NKAIN2: variants seen among roughly 807,000 people sequenced by gnomAD.
The protein encoded by NKAIN2 is sodium/potassium transporting ATPase interacting 2, also known as sodium/potassium-transporting ATPase subunit beta-1-interacting protein 2.
Under a neutral mutation model 32.6 loss-of-function variants are expected in NKAIN2, and 14 were observed. That is an observed-to-expected ratio of 0.43 (90% CI 0.28 to 0.67). The LOEUF is 0.67. Ranked by LOEUF, NKAIN2 falls within the 30% of genes least tolerant of loss-of-function variation. NKAIN2 has a pLI of 0.17. For synonymous variants in NKAIN2, 80 were observed against 87.2 expected (o/e 0.92, Z 0.46); for missense variants, 198 against 258.3 (o/e 0.77, Z 1.60).
intron 2 of NKAIN2, among the ~76,000 whole-genome samples, chr6:124,343,297 G>T (rs919468436): frequency 6.6e-6 from 1 of 151,824 alleles, no homozygotes; most frequent in Non-Finnish European, 1.5e-5. Context: ...ACATACGTGT[G>T]CATGTGTCTT....
At chr6:124,539,782 G>A (rs1262024886) in intron 3 of NKAIN2, among the ~76,000 whole-genome samples, 1 of 151,944 alleles carries the variant, frequency 6.6e-6, no homozygotes, top group African/African-American at 2.4e-5. Flanking sequence ...GTGCAGTGGC[G>A]TGATCTCGTC....
intron 1 of NKAIN2, among the ~76,000 whole-genome samples, chr6:123,981,450 C>T (rs893513217): frequency 4.6e-5 from 7 of 152,134 alleles, no homozygotes; most frequent in South Asian, 2.1e-4. Flanking sequence ...GCATGCCCCA[C>T]GGTGCTAAAT....
At chr6:124,324,671 C>G (rs1298875959) in intron 2 of NKAIN2, among the ~76,000 whole-genome samples, 1 of 151,580 alleles carries the variant, frequency 6.6e-6, no homozygotes, top group African/African-American at 2.4e-5. Flanking sequence ...AGCATTCAGT[C>G]TTTTACCATT....
chr6:124,053,811 C>A (rs922647212), intron 1 of NKAIN2, among the ~76,000 whole-genome samples: 1 of 151,946 alleles, frequency 6.6e-6, no homozygotes, highest in East Asian at 1.9e-4. Context: ...AGTTTTGAAT[C>A]TGGATTAGTC....
chr6:124,388,489 A>G (rs552349754), intron 3 of NKAIN2, among the ~76,000 whole-genome samples: 1 of 152,138 alleles, frequency 6.6e-6, no homozygotes, highest in Admixed American at 6.6e-5. Context: ...ACTGATCTAC[A>G]GTAATGTAAT....
chr6:124,552,143 C>T (rs1583427535), intron 3 of NKAIN2, among the ~76,000 whole-genome samples: 1 of 152,304 alleles, frequency 6.6e-6, no homozygotes, highest in Admixed American at 6.5e-5. Context: ...CCTTGACATG[C>T]AGAAACTCTC....
intron 5 of NKAIN2, among the ~76,000 whole-genome samples, chr6:124,805,534 G>A (rs1780504551): frequency 6.6e-6 from 1 of 152,118 alleles, no homozygotes; most frequent in Non-Finnish European, 1.5e-5. Flanking sequence ...AAACCACAAA[G>A]ATGGGGAAAA....
At chr6:124,114,517 A>G (rs1785522124) in intron 1 of NKAIN2, among the ~76,000 whole-genome samples, 1 of 152,088 alleles carries the variant, frequency 6.6e-6, no homozygotes, top group Admixed American at 6.6e-5. Flanking sequence ...TCAGGGAAAT[A>G]TCTATTTGAA....
intron 3 of NKAIN2, among the ~76,000 whole-genome samples, chr6:124,418,233 A>C (rs1340196796): frequency 1.3e-5 from 2 of 152,008 alleles, no homozygotes; most frequent in Non-Finnish European, 2.9e-5. Context: ...GGTACTTAAA[A>C]GTTCAGAGTA....
chr6:124,255,544 C>A (rs1793889491), intron 1 of NKAIN2, among the ~76,000 whole-genome samples: 1 of 152,130 alleles, frequency 6.6e-6, no homozygotes, highest in African/African-American at 2.4e-5. Flanking sequence ...GCGGAGGATG[C>A]CGCATTTTTA....
At chr6:124,739,649 A>G (rs1777110652) in intron 4 of NKAIN2, among the ~76,000 whole-genome samples, 2 of 151,850 alleles carry the variant, frequency 1.3e-5, no homozygotes, top group African/African-American at 4.8e-5. Flanking sequence ...GTGCATGAAA[A>G]GGAAGGAAGA....
chr6:124,288,677 A>G (rs1483578337), intron 2 of NKAIN2, among the ~76,000 whole-genome samples: 1 of 152,190 alleles, frequency 6.6e-6, no homozygotes, highest in Non-Finnish European at 1.5e-5. Flanking sequence ...TCTATACAAT[A>G]TAAGTTATAT....
At chr6:124,296,188 T>C (rs1435398226) in intron 2 of NKAIN2, among the ~76,000 whole-genome samples, 2 of 152,126 alleles carry the variant, frequency 1.3e-5, no homozygotes, top group African/African-American at 4.8e-5. Flanking sequence ...CCTTGTATAT[T>C]AGAGTATAAT....
intron 1 of NKAIN2, among the ~76,000 whole-genome samples, chr6:124,012,824 C>T (rs541927681): frequency 6.6e-6 from 1 of 152,134 alleles, no homozygotes; most frequent in Non-Finnish European, 1.5e-5. Flanking sequence ...ATGGATGTTG[C>T]TTTCCTTTCT....
At chr6:124,669,253 C>T (rs1772973246) in intron 4 of NKAIN2, among the ~76,000 whole-genome samples, 1 of 152,120 alleles carries the variant, frequency 6.6e-6, no homozygotes, top group Non-Finnish European at 1.5e-5. Flanking sequence ...AACAGGTTTA[C>T]ATTCATTCAG....
chr6:123,846,111 A>C (rs983959300), intron 1 of NKAIN2, among the ~76,000 whole-genome samples: 1 of 152,146 alleles, frequency 6.6e-6, no homozygotes, highest in African/African-American at 2.4e-5. Flanking sequence ...TGCAGGAGCT[A>C]TATTTTTGCC....
intron 4 of NKAIN2, among the ~76,000 whole-genome samples, chr6:124,666,744 A>AT (rs138880332): frequency 0.012 from 1,749 of 151,442 alleles, 27 homozygotes; most frequent in African/African-American, 0.04. Flanking sequence ...TACGTTTAAG[A>AT]TTTTTTTTTG....
At chr6:124,738,725 T>C (rs1046715884) in intron 4 of NKAIN2, among the ~76,000 whole-genome samples, 2 of 151,948 alleles carry the variant, frequency 1.3e-5, no homozygotes, top group Admixed American at 1.3e-4. Flanking sequence ...CTTGGCTGGG[T>C]TCCTGGTTCT....
At chr6:124,488,086 G>A (rs1034887515) in intron 3 of NKAIN2, among the ~76,000 whole-genome samples, 1 of 152,026 alleles carries the variant, frequency 6.6e-6, no homozygotes, top group African/African-American at 2.4e-5. Flanking sequence ...TCAGTTGAGA[G>A]AAAAGTATGA....
Sources: allele counts gnomAD v4.1 joint callset (sites outside exome capture counted in the v4.1 genomes callset), GRCh38; gene constraint gnomAD v4.1.1; transcripts MANE v1.5; gene names NCBI Gene and HGNC (gene_info 2026-07-23, HGNC 2026-07-21).